FMN1: variants seen among roughly 807,000 people sequenced by gnomAD.
FMN1 encodes formin-1.
Under a neutral mutation model 132.4 loss-of-function variants are expected in FMN1, and 110 were observed. The ratio of observed to expected loss-of-function variants is 0.83; its 90% CI spans 0.71 to 0.97. The LOEUF (loss-of-function observed/expected upper bound fraction) is 0.97, where lower values mean the gene tolerates loss of function less well. Ranked by LOEUF, FMN1 falls within the 50% of genes least tolerant of loss-of-function variation. FMN1 has a pLI of 0.00. For synonymous variants in FMN1, 722 were observed against 651.7 expected (o/e 1.11, Z -1.64); for missense variants, 1,792 against 1,705.3 (o/e 1.05, Z -0.90).
At chr15:33,103,943 A>T (rs892922414) in intron 4 of FMN1, among the ~76,000 whole-genome samples, 3 of 152,058 alleles carry the variant, frequency 2.0e-5, no homozygotes, top group South Asian at 4.1e-4. Context: ...CTACCAGAAA[A>T]TACAGCTCCA....
intron 4 of FMN1, among the ~76,000 whole-genome samples, chr15:33,128,558 G>A (rs192983940): frequency 3.3e-5 from 5 of 152,330 alleles, no homozygotes; most frequent in East Asian, 3.9e-4. Flanking sequence ...ACCGAGTCCG[G>A]AGTTTCTTGC....
At chr15:32,888,563 C>A (rs347938) in intron 15 of FMN1, among the ~76,000 whole-genome samples, 1 of 152,150 alleles carries the variant, frequency 6.6e-6, no homozygotes, top group Non-Finnish European at 1.5e-5. Flanking sequence ...AGAAAATTGT[C>A]AGGTCGTCCT....
intron 4 of FMN1, among the ~76,000 whole-genome samples, chr15:33,127,324 A>C (rs1963185763): frequency 6.6e-6 from 1 of 151,960 alleles, no homozygotes; most frequent in South Asian, 2.1e-4. Context: ...GCTCCTCCAC[A>C]TTCAACCTGG....
At chr15:33,087,795 T>A (rs62000007) in intron 5 of FMN1, among the ~76,000 whole-genome samples, 4 of 116,550 alleles carry the variant, frequency 3.4e-5, no homozygotes, top group Non-Finnish European at 7.5e-5. Context: ...TGGTATATAT[T>A]TACATATATA....
At chr15:33,077,793 C>CAAAAAAAAAAAAAAA (rs796706510) in intron 5 of FMN1, among the ~76,000 whole-genome samples, 1 of 115,104 alleles carries the variant, frequency 8.7e-6, no homozygotes, top group Non-Finnish European at 1.7e-5. Flanking sequence ...AACAAATTTA[C>CAAAAAAAAAAAAAAA]AAAAAAAAAA....
At chr15:32,869,871 T>C (rs914136349) in intron 16 of FMN1, among the ~76,000 whole-genome samples, 20 of 152,160 alleles carry the variant, frequency 1.3e-4, no homozygotes, top group Admixed American at 1.1e-3. Flanking sequence ...CAGAGGTCAC[T>C]TGTAATCTCA....
At chr15:33,142,431 A>G (rs1964046684) in intron 4 of FMN1, among the ~76,000 whole-genome samples, 1 of 152,132 alleles carries the variant, frequency 6.6e-6, no homozygotes, top group Non-Finnish European at 1.5e-5. Flanking sequence ...CGCTGTTTCA[A>G]TTTTTCTCTA....
At chr15:33,031,634 A>C (rs1457436895) in intron 6 of FMN1, among the ~76,000 whole-genome samples, 1 of 152,150 alleles carries the variant, frequency 6.6e-6, no homozygotes, top group Non-Finnish European at 1.5e-5. Context: ...GTCCCAAATA[A>C]AGGAGCCACA....
intron 17 of FMN1, among the ~76,000 whole-genome samples, chr15:32,805,277 C>CA (rs2057638023): frequency 6.6e-6 from 1 of 152,162 alleles, no homozygotes; most frequent in South Asian, 2.1e-4. Flanking sequence ...AGCATTTTTT[C>CA]ATGTGTCTAT....
chr15:33,004,127 G>C (rs1230991465), intron 7 of FMN1, among the ~76,000 whole-genome samples: 1 of 152,100 alleles, frequency 6.6e-6, no homozygotes, highest in Non-Finnish European at 1.5e-5. Flanking sequence ...TCAGGACATA[G>C]GCATGGGCAA....
At position 32,958,957 on chromosome 15, in the gene FMN1, G is replaced by A. The variant is rs1261789566; in HGVS notation, c.3138+5150C>T. 2.0e-5 allele frequency among the ~76,000 whole-genome samples: 3 copies of A among 151,040 alleles called. No homozygotes were observed. The East Asian group carries it at 5.8e-4, about 29-fold the overall frequency. ...CTTGGGAGGCTGAGGCAGGACAATCGGCTTGAACCTGGGTGGTGGGGGTTG... is the reference window on the plus strand; with the variant it reads ...CTTGGGAGGCTGAGGCAGGACAATCAGCTTGAACCTGGGTGGTGGGGGTTG... On this transcript the variant is annotated intron_variant, in intron 9 of 20. Transcript: ENST00000616417.
At chr15:33,151,508 T>G in intron 4 of FMN1, 1 of 885,056 alleles carries the variant, frequency 1.1e-6, no homozygotes. Flanking sequence ...GTGCTCTGTG[T>G]GCCTGCCTTG....
intron 4 of FMN1, among the ~76,000 whole-genome samples, chr15:33,093,328 A>G (rs2038968344): frequency 6.6e-6 from 1 of 152,238 alleles, no homozygotes; most frequent in Admixed American, 6.5e-5. Flanking sequence ...ACTGATATGT[A>G]CAGGTAGACA....
intron 7 of FMN1, among the ~76,000 whole-genome samples, chr15:32,977,478 A>G (rs2032303417): frequency 6.6e-6 from 1 of 152,234 alleles, no homozygotes; most frequent in African/African-American, 2.4e-5. Context: ...AGGTGGAAAA[A>G]GCATTGGGTT....
At chr15:32,989,871 G>A (rs529649652) in intron 7 of FMN1, among the ~76,000 whole-genome samples, 1 of 152,094 alleles carries the variant, frequency 6.6e-6, no homozygotes, top group South Asian at 2.1e-4. Flanking sequence ...TGAGGTTTTT[G>A]GCCTAGACTT....
rs1236828658 is a variant in FMN1, at chr15:32,777,750, TTATGTATAATACATTTATATAC to T, written c.4131-853_4131-832del. Among the ~76,000 whole-genome samples, 16 of 140,818 alleles carry T rather than the reference TTATGTATAATACATTTATATAC, an allele frequency of 1.1e-4. 1 individual carries two copies. The East Asian group carries it at 2.3e-3, about 21-fold the overall frequency. 92.4% of individuals were successfully genotyped at this position (140,818 alleles called of 152,430 possible). A position where few individuals can be genotyped will look rare whatever the true frequency, so the allele number is the denominator to read the frequency against. ...AATATATAATACATTTACTTATATATTATGTATAATACATTTATATACTATGTATAATACATTTATATATTAT... is the reference window on the plus strand; with the variant it reads ...AATATATAATACATTTACTTATATATTATGTATAATACATTTATATATTAT... On this transcript the variant is annotated intron_variant, in intron 19 of 20. Transcript: ENST00000616417.
At chr15:32,833,173 T>A (rs2058544035) in intron 17 of FMN1, among the ~76,000 whole-genome samples, 1 of 152,196 alleles carries the variant, frequency 6.6e-6, no homozygotes, top group Non-Finnish European at 1.5e-5. Context: ...TAGGATGTCA[T>A]TCCTCTACTG....
At chr15:32,936,357 A>C (rs1487319742) in intron 9 of FMN1, among the ~76,000 whole-genome samples, 2 of 152,140 alleles carry the variant, frequency 1.3e-5, no homozygotes, top group Non-Finnish European at 2.9e-5. Context: ...ACAGTGAAAG[A>C]CCTTTGCCAA....
chr15:32,853,223 A>C (rs939147079), intron 17 of FMN1, among the ~76,000 whole-genome samples: 3 of 152,212 alleles, frequency 2.0e-5, no homozygotes, highest in Non-Finnish European at 4.4e-5. Context: ...CTCTAAACAA[A>C]AATATCTTCT....
Sources: gnomAD v4.1 joint callset for allele counts (sites outside exome capture counted in the v4.1 genomes callset) on GRCh38, gnomAD v4.1.1 for gene constraint, MANE v1.5 for transcripts, NCBI Gene and HGNC (gene_info 2026-07-23, HGNC 2026-07-21) for gene names.